Variants in PDE3A observed in about 807,000 individuals in gnomAD.
PDE3A encodes cGMP-inhibited 3',5'-cyclic phosphodiesterase 3A.
Under a neutral mutation model 98.3 loss-of-function variants are expected in PDE3A, and 43 were observed. The ratio of observed to expected loss-of-function variants is 0.44; its 90% CI spans 0.34 to 0.56. The LOEUF is 0.56. Ranked by LOEUF, PDE3A falls within the 20% of genes least tolerant of loss-of-function variation. The pLI is 0.01. For missense variants in PDE3A, 1,427 were observed against 1,440.7 expected (o/e 0.99, Z 0.15); for synonymous variants, 663 against 567.9 (o/e 1.17, Z -2.38).
chr12:20,386,670 T>C (rs1943815692), intron 1 of PDE3A, among the ~76,000 whole-genome samples: 1 of 152,024 alleles, frequency 6.6e-6, no homozygotes, highest in African/African-American at 2.4e-5. Context: ...TCCTTGTAGA[T>C]TCTGGATATT....
intron 14 of PDE3A, among the ~76,000 whole-genome samples, chr12:20,652,267 C>A (rs1477843950): frequency 6.6e-6 from 1 of 152,134 alleles, no homozygotes; most frequent in East Asian, 1.9e-4. Context: ...GATTTGTAGT[C>A]CTTTGGGTAT....
chr12:20,414,866 C>G (rs1944396067), intron 1 of PDE3A, among the ~76,000 whole-genome samples: 1 of 151,956 alleles, frequency 6.6e-6, no homozygotes, highest in African/African-American at 2.4e-5. Context: ...TTTTTCAGAG[C>G]AAAAGTTTGA....
chr12:20,406,106 C>A (rs1342517607), intron 1 of PDE3A, among the ~76,000 whole-genome samples: 1 of 152,174 alleles, frequency 6.6e-6, no homozygotes, highest in Non-Finnish European at 1.5e-5. Context: ...CATATACACA[C>A]ATCACATGTT....
chr12:20,617,244 A>G (rs1944028862), intron 4 of PDE3A, among the ~76,000 whole-genome samples: 1 of 152,158 alleles, frequency 6.6e-6, no homozygotes, highest in African/African-American at 2.4e-5. Context: ...ATAAACCACC[A>G]TACTGAGACT....
chr12:20,392,232 T>C (rs1396739870), intron 1 of PDE3A, among the ~76,000 whole-genome samples: 1 of 152,054 alleles, frequency 6.6e-6, no homozygotes, highest in East Asian at 1.9e-4. Context: ...AATAGGAAGA[T>C]AACTAAGGTT....
chr12:20,469,410 C>T (rs991464781), intron 1 of PDE3A, among the ~76,000 whole-genome samples: 1 of 152,146 alleles, frequency 6.6e-6, no homozygotes, highest in Non-Finnish European at 1.5e-5. Context: ...CGTAGTCCAT[C>T]TAGTCATTCT....
At chr12:20,502,369 A>G (rs1444128885) in intron 1 of PDE3A, among the ~76,000 whole-genome samples, 2 of 152,156 alleles carry the variant, frequency 1.3e-5, no homozygotes, top group East Asian at 3.9e-4. Context: ...CTTTAAAGGA[A>G]CCATTGGAAT....
rs540681421 is a variant in PDE3A, at chr12:20,405,863, T to C, written c.960+35619T>C. 3.9e-5 allele frequency among the ~76,000 whole-genome samples: 6 copies of C among 152,312 alleles called. No homozygotes were observed. In the South Asian group the frequency reaches 8.3e-4, roughly 21 times the overall value. ...TACTCATCTTGTAACTGAAAGTTTC[T>C]ACCTTTGGACCAACATCTCCCTATT... On this transcript the variant is annotated intron_variant, in intron 1 of 15. Coordinates refer to ENST00000359062, the MANE Select transcript of PDE3A (RefSeq NM_000921.5).
chr12:20,654,246 T>C (rs773186902), intron 15 of PDE3A, 41 bp downstream of exon 15: 4 of 1,590,230 alleles, frequency 2.5e-6, no homozygotes, highest in Non-Finnish European at 3.4e-6. Flanking sequence ...TTCCCTGGGA[T>C]TGCTTTCTTA....
intron 1 of PDE3A, among the ~76,000 whole-genome samples, chr12:20,436,757 C>A (rs2120824240): frequency 6.6e-6 from 1 of 152,240 alleles, no homozygotes; most frequent in Non-Finnish European, 1.5e-5. Flanking sequence ...GAATTGAGAG[C>A]AAGGGAGGCT....
chr12:20,538,693 A>C (rs1179073936), intron 1 of PDE3A, among the ~76,000 whole-genome samples: 1 of 152,186 alleles, frequency 6.6e-6, no homozygotes, highest in Admixed American at 6.5e-5. Context: ...TGTATTCAAC[A>C]GTAGAATTTT....
At chr12:20,672,110 G>T (rs1945498339) in intron 15 of PDE3A, among the ~76,000 whole-genome samples, 2 of 151,092 alleles carry the variant, frequency 1.3e-5, no homozygotes, top group African/African-American at 4.9e-5. Flanking sequence ...GCTTCAAAGA[G>T]AATAAAATAC....
intron 1 of PDE3A, among the ~76,000 whole-genome samples, chr12:20,385,512 C>T (rs571484166): frequency 3.3e-5 from 5 of 151,968 alleles, no homozygotes; most frequent in Admixed American, 2.0e-4. Context: ...CGGCACTATT[C>T]ACAATAGCAA....
At chr12:20,400,222 A>G (rs1226321129) in intron 1 of PDE3A, among the ~76,000 whole-genome samples, 1 of 151,978 alleles carries the variant, frequency 6.6e-6, no homozygotes, top group Non-Finnish European at 1.5e-5. Flanking sequence ...TTTTAAAAGT[A>G]CGGAGCTGCT....
intron 1 of PDE3A, among the ~76,000 whole-genome samples, chr12:20,422,375 G>A (rs1003732325): frequency 6.6e-6 from 1 of 151,956 alleles, no homozygotes; most frequent in African/African-American, 2.4e-5. Flanking sequence ...GGCACTAACT[G>A]TCGAGTCTTT....
chr12:20,539,694 C>T (rs4325354), intron 1 of PDE3A, among the ~76,000 whole-genome samples: 139,732 of 152,134 alleles, frequency 0.92, 64,226 homozygotes, highest in East Asian at 1. Context: ...GGAAGTGTTA[C>T]TTGAAGTGAC....
chr12:20,634,121 C>T (rs1314363142), intron 7 of PDE3A, among the ~76,000 whole-genome samples: 1 of 152,054 alleles, frequency 6.6e-6, no homozygotes, highest in African/African-American at 2.4e-5. Flanking sequence ...TTTTTTAATA[C>T]ATTTATACAT....
At chr12:20,522,259 T>C (rs2121155431) in intron 1 of PDE3A, among the ~76,000 whole-genome samples, 1 of 152,270 alleles carries the variant, frequency 6.6e-6, no homozygotes, top group Non-Finnish European at 1.5e-5. Context: ...ACTTACACTC[T>C]GTAGAGCAGT....
chr12:20,580,294 C>T (rs185108565), intron 2 of PDE3A, among the ~76,000 whole-genome samples: 14 of 152,118 alleles, frequency 9.2e-5, no homozygotes, highest in African/African-American at 3.4e-4. Flanking sequence ...TGGCTCCTTA[C>T]CTCAAAACTT....
Sources: gnomAD v4.1 joint callset for allele counts (sites outside exome capture counted in the v4.1 genomes callset) on GRCh38, gnomAD v4.1.1 for gene constraint, MANE v1.5 for transcripts, NCBI Gene and HGNC (gene_info 2026-07-23, HGNC 2026-07-21) for gene names.